The following PFDN1 variants were observed in gnomAD, a reference collection of about 807,000 sequenced individuals.
The protein encoded by PFDN1 is prefoldin 1.
In PFDN1, 6 loss-of-function variants were observed where a neutral mutation model predicts 17.3. That is an observed-to-expected ratio of 0.35 (90% CI 0.19 to 0.69). PFDN1 has a LOEUF of 0.69. Ranked by LOEUF, PFDN1 falls within the 30% of genes least tolerant of loss-of-function variation. PFDN1 has a pLI of 0.65. For missense variants in PFDN1, 113 were observed against 146.2 expected, an observed-to-expected ratio of 0.77 and a Z score of 1.17; for synonymous variants, 58 against 50.1, an observed-to-expected ratio of 1.16 and a Z score of -0.67.
chr5:140,301,894 C>T (rs1765753691), intron 1 of PFDN1, among the ~76,000 whole-genome samples: 2 of 152,164 alleles, frequency 1.3e-5, no homozygotes, highest in African/African-American at 2.4e-5. Context: ...GCTAAGGAAG[C>T]TAGTATACCA....
At chr5:140,293,896 G>A (rs565946766) in intron 2 of PFDN1, among the ~76,000 whole-genome samples, 4 of 152,060 alleles carry the variant, frequency 2.6e-5, no homozygotes, top group African/African-American at 9.6e-5. Context: ...TGCACAACAG[G>A]AAAAGATGTT....
intron 2 of PFDN1, among the ~76,000 whole-genome samples, chr5:140,287,673 T>C (rs986398123): frequency 2.6e-5 from 4 of 151,910 alleles, no homozygotes; most frequent in African/African-American, 9.7e-5. Flanking sequence ...TGGAAGAAAA[T>C]ATTTGCAAAA....
chr5:140,262,579 G>A, intron 3 of PFDN1: 1 of 455,614 alleles, frequency 2.2e-6, no homozygotes. Context: ...CAATGGCAAT[G>A]TTTGTGCTTC....
chr5:140,249,913 ATT>A (rs1764888766), intron 3 of PFDN1, among the ~76,000 whole-genome samples: 1 of 152,034 alleles, frequency 6.6e-6, no homozygotes, highest in Admixed American at 6.6e-5. Context: ...TGGGGATCAA[ATT>A]TTTTTGCGGG....
At chr5:140,258,440 T>TA (rs562501324) in intron 3 of PFDN1, among the ~76,000 whole-genome samples, 3,515 of 120,838 alleles carry the variant, frequency 0.029, 77 homozygotes, top group African/African-American at 0.058. Context: ...GCTGTACTGT[T>TA]AAAAAAAAAA....
chr5:140,249,643 A>G (rs115649427), intron 3 of PFDN1, among the ~76,000 whole-genome samples: 1,564 of 152,290 alleles, frequency 0.01, 26 homozygotes, highest in African/African-American at 0.036. Context: ...TCTGCAGGCT[A>G]TACAAGCATG....
At chr5:140,294,583 C>T (rs1263604891) in intron 2 of PFDN1, among the ~76,000 whole-genome samples, 1 of 152,020 alleles carries the variant, frequency 6.6e-6, no homozygotes, top group Non-Finnish European at 1.5e-5. Flanking sequence ...CTAAGAAATA[C>T]AATCACAACA....
At chr5:140,283,427 G>A (rs958640171) in intron 2 of PFDN1, among the ~76,000 whole-genome samples, 1 of 152,056 alleles carries the variant, frequency 6.6e-6, no homozygotes, top group African/African-American at 2.4e-5. Context: ...TAGAGACAGG[G>A]TTTCACCATG....
At chr5:140,257,138 G>A (rs1298861584) in intron 3 of PFDN1, among the ~76,000 whole-genome samples, 4 of 151,552 alleles carry the variant, frequency 2.6e-5, no homozygotes, top group East Asian at 3.9e-4. Context: ...CAGGAGAATC[G>A]CTTGAGCCCG....
rs185462542 is a variant in PFDN1 at position 140,299,327 on chromosome 5, A to G, written c.200+1089T>C. Among the ~76,000 whole-genome samples, 108 of 152,316 alleles carry G rather than the reference A, an allele frequency of 7.1e-4. No homozygotes were observed. The Middle Eastern group carries it at 0.017, about 24-fold the overall frequency. Reference sequence around the variant, plus strand: ...CACTTAAGAAATGTACTTTGAGGCCAGGGGCGGTGGCTCACGCCTGTAATC... The same window carrying G: ...CACTTAAGAAATGTACTTTGAGGCCGGGGGCGGTGGCTCACGCCTGTAATC... On this transcript the variant is annotated intron_variant, in intron 2 of 3. Coordinates refer to ENST00000261813, the MANE Select transcript of PFDN1 (RefSeq NM_002622.5).
chr5:140,294,601 C>T (rs1056028050), intron 2 of PFDN1, among the ~76,000 whole-genome samples: 1 of 152,048 alleles, frequency 6.6e-6, no homozygotes, highest in African/African-American at 2.4e-5. Context: ...ACAAAACCAA[C>T]ATAACATTCT....
At chr5:140,256,493 C>A (rs1764986736) in intron 3 of PFDN1, among the ~76,000 whole-genome samples, 1 of 151,942 alleles carries the variant, frequency 6.6e-6, no homozygotes, top group South Asian at 2.1e-4. Context: ...TTTAACATAT[C>A]CAATTATTTA....
In PFDN1 at chr5:140,292,513, AG is replaced by A. The variant is rs1485420365; in HGVS notation, c.200+7902del. Among the ~76,000 whole-genome samples, 4 of 152,278 alleles carry A rather than the reference AG, an allele frequency of 2.6e-5. No homozygotes were observed. The East Asian group carries it at 7.7e-4, about 29-fold the overall frequency. ...TATTTAAAGATACATTTTTGATACT[AG>A]ACTCCTGTTGCTGTACCAATTTTGG... On this transcript the variant is annotated intron_variant, in intron 2 of 3. Coordinates refer to ENST00000261813, the MANE Select transcript of PFDN1 (RefSeq NM_002622.5).
At chr5:140,298,084 T>C (rs1006615827) in intron 2 of PFDN1, among the ~76,000 whole-genome samples, 1 of 152,198 alleles carries the variant, frequency 6.6e-6, no homozygotes, top group Non-Finnish European at 1.5e-5. Flanking sequence ...TTCTTTTGTG[T>C]CCCAGTAACA....
chr5:140,280,353 T>C (rs1026333660), intron 3 of PFDN1, among the ~76,000 whole-genome samples: 1 of 152,192 alleles, frequency 6.6e-6, no homozygotes, highest in Non-Finnish European at 1.5e-5. Flanking sequence ...CTGAACCTCT[T>C]AGAACAGTTG....
At chr5:140,262,611 T>C in intron 3 of PFDN1, 1 of 454,674 alleles carries the variant, frequency 2.2e-6, no homozygotes, top group South Asian at 1.6e-5. Context: ...AAAAAACAAG[T>C]TGTTGAAAGA....
chr5:140,303,068 G>A lies in PFDN1; in HGVS notation c.6C>T (p.Ala2=), dbSNP rs552468040. Residue 2 remains alanine, a synonymous_variant, in exon 1 of 4, where the codon GCC becomes GCT. Coordinates refer to ENST00000261813, the MANE Select transcript of PFDN1 (RefSeq NM_002622.5). M[A]APVDLELKKA... ...TCTTCAGCTCTAGATCCACGGGGGCGGCCATCTTGGTGCACTGTAAGCGCC... is the reference window on the plus strand; with the variant it reads ...TCTTCAGCTCTAGATCCACGGGGGCAGCCATCTTGGTGCACTGTAAGCGCC... The A allele has an allele frequency of 1.7e-5, 27 of 1,612,434 alleles. 1 individual carries two copies. The South Asian group carries it at 2.6e-4, about 16-fold the overall frequency.
intron 2 of PFDN1, among the ~76,000 whole-genome samples, chr5:140,297,030 T>C (rs1157719268): frequency 1.3e-5 from 2 of 152,142 alleles, no homozygotes; most frequent in Non-Finnish European, 2.9e-5. Context: ...CTGAAAGATA[T>C]GTGAAGAATG....
intron 3 of PFDN1, among the ~76,000 whole-genome samples, chr5:140,267,267 A>C (rs1178319633): frequency 6.6e-6 from 1 of 152,234 alleles, no homozygotes; most frequent in Non-Finnish European, 1.5e-5. Flanking sequence ...TAGTAAATAG[A>C]AAGATTCTTA....
Sources: gnomAD v4.1 joint callset for allele counts (sites outside exome capture counted in the v4.1 genomes callset) on GRCh38, gnomAD v4.1.1 for gene constraint, MANE v1.5 for transcripts, NCBI Gene and HGNC (gene_info 2026-07-23, HGNC 2026-07-21) for gene names.